FCHSD2: variants seen among roughly 807,000 people sequenced by gnomAD.
The protein encoded by FCHSD2 is F-BAR and double SH3 domains protein 2.
In FCHSD2, 38 loss-of-function variants were observed where a neutral mutation model predicts 108.1. The observed-to-expected ratio is 0.35, with a 90% confidence interval of 0.27 to 0.46. The LOEUF (loss-of-function observed/expected upper bound fraction) is 0.46. Among genes scored for constraint, FCHSD2 ranks in the 20% least tolerant of loss-of-function variants. FCHSD2 has a pLI of 1.00. For synonymous variants in FCHSD2, 279 were observed against 314.7 expected (o/e 0.89, Z 1.20); for missense variants, 751 against 897.8 (o/e 0.84, Z 2.09).
At chr11:73,086,331 C>G (rs1023314243) in intron 2 of FCHSD2, among the ~76,000 whole-genome samples, 1 of 152,160 alleles carries the variant, frequency 6.6e-6, no homozygotes, top group Admixed American at 6.5e-5. Flanking sequence ...ATTGCTTGAA[C>G]CCAGAGGTGG....
In FCHSD2 at chr11:72,840,959, T is replaced by C. The variant is rs1218167332; in HGVS notation, c.2057A>G (p.Glu686Gly). 1.9e-6 allele frequency: 3 copies of C among 1,611,528 alleles called. No homozygotes were observed. The highest frequency in any genetic ancestry group is 2.5e-6 in the Non-Finnish European group (3 of 1,177,826). Residue 686 changes from glutamate to glycine, a missense_variant and splice_region_variant, in exon 19 of 20, where the codon GAA becomes GGA. Transcript: ENST00000409418. ...TGGTGACTCAGCATGAAGGCTTTTT[T>C]CTAAGGGAGAAAACCAAAGAAGCTC... ...LYFPRSPSANEKSLHAESPGF... is the reference protein window; with the variant it reads ...LYFPRSPSANGKSLHAESPGF...
chr11:72,967,954 G>T (rs1412834390), intron 8 of FCHSD2, among the ~76,000 whole-genome samples: 3 of 151,956 alleles, frequency 2.0e-5, no homozygotes, highest in African/African-American at 7.3e-5. Context: ...AGCCGGGTAT[G>T]GTGGCGGGCA....
intron 3 of FCHSD2, among the ~76,000 whole-genome samples, chr11:73,039,035 CTTCT>C (rs1243949380): frequency 2.0e-5 from 3 of 152,166 alleles, no homozygotes; most frequent in African/African-American, 7.2e-5. Context: ...TATCTCCTTA[CTTCT>C]TTCTAATATT....
chr11:72,976,199 T>C (rs1857101774), intron 8 of FCHSD2, among the ~76,000 whole-genome samples: 1 of 152,238 alleles, frequency 6.6e-6, no homozygotes, highest in Admixed American at 6.5e-5. Flanking sequence ...ATTCAGTATC[T>C]GCTCTAGTAA....
chr11:72,926,741 CCA>C (rs1359125023), intron 8 of FCHSD2, among the ~76,000 whole-genome samples: 1 of 152,174 alleles, frequency 6.6e-6, no homozygotes, highest in Admixed American at 6.5e-5. Flanking sequence ...GGCACCATGG[CCA>C]CAGAGGTTTC....
At chr11:73,137,136 C>T (rs538342739) in intron 2 of FCHSD2, among the ~76,000 whole-genome samples, 2 of 151,994 alleles carry the variant, frequency 1.3e-5, no homozygotes, top group Non-Finnish European at 2.9e-5. Flanking sequence ...CTTCCTCAGG[C>T]AACTGAAGTT....
At chr11:73,123,142 G>A (rs1243943701) in intron 2 of FCHSD2, among the ~76,000 whole-genome samples, 3 of 152,080 alleles carry the variant, frequency 2.0e-5, no homozygotes, top group East Asian at 1.9e-4. Context: ...AAGCCAAACC[G>A]CCACTCTCTT....
At chr11:73,014,279 G>A (rs1253471207) in intron 4 of FCHSD2, among the ~76,000 whole-genome samples, 1 of 151,452 alleles carries the variant, frequency 6.6e-6, no homozygotes, top group East Asian at 1.9e-4. Flanking sequence ...CTACATGCAC[G>A]TACCACCACA....
In FCHSD2 at chr11:73,053,502, A is replaced by C. The variant is rs1484982875; in HGVS notation, c.165+30193T>G. On this transcript the variant is annotated intron_variant, in intron 3 of 19. Transcript: ENST00000409418. ...AATCTAAATGTCTTCAGTTCACAGC[A>C]ACATATTTTTAAATCTGGTTTCTCT... Among the ~76,000 whole-genome samples, 6 of 152,312 alleles carry C rather than the reference A, an allele frequency of 3.9e-5. No individual in the cohort carries two copies. In the East Asian group the frequency reaches 7.7e-4, roughly 20 times the overall value.
At chr11:72,843,767 C>T (rs182509033) in intron 14 of FCHSD2, 6 of 505,394 alleles carry the variant, frequency 1.2e-5, no homozygotes, top group African/African-American at 3.8e-5. Flanking sequence ...GAGGCAATGA[C>T]GTTCAATGAA....
chr11:72,969,192 C>G (rs1042674556), intron 8 of FCHSD2, among the ~76,000 whole-genome samples: 1 of 152,204 alleles, frequency 6.6e-6, no homozygotes, highest in African/African-American at 2.4e-5. Context: ...TCAGTGTTAA[C>G]AGTCTACCTA....
At chr11:73,035,640 T>C (rs1227430688) in intron 3 of FCHSD2, among the ~76,000 whole-genome samples, 2 of 152,124 alleles carry the variant, frequency 1.3e-5, no homozygotes, top group Non-Finnish European at 2.9e-5. Flanking sequence ...TACTGAGAAT[T>C]TTCTACAATA....
At chr11:73,028,178 T>C (rs1399603589) in intron 3 of FCHSD2, among the ~76,000 whole-genome samples, 1 of 152,046 alleles carries the variant, frequency 6.6e-6, no homozygotes, top group African/African-American at 2.4e-5. Flanking sequence ...ACCATGTACC[T>C]GGAAAAGCCG....
At chr11:72,944,701 G>C (rs2135347096) in intron 8 of FCHSD2, among the ~76,000 whole-genome samples, 1 of 152,274 alleles carries the variant, frequency 6.6e-6, no homozygotes, top group African/African-American at 2.4e-5. Context: ...CTTCAGCAAA[G>C]TCTCAGGATA....
intron 12 of FCHSD2, among the ~76,000 whole-genome samples, chr11:72,884,919 G>T (rs1273797613): frequency 6.6e-6 from 1 of 152,044 alleles, no homozygotes; most frequent in Non-Finnish European, 1.5e-5. Context: ...TAATAGCAGG[G>T]TCACTCTTGT....
intron 8 of FCHSD2, among the ~76,000 whole-genome samples, chr11:72,983,148 G>C (rs1304112251): frequency 6.6e-6 from 1 of 152,050 alleles, no homozygotes; most frequent in East Asian, 1.9e-4. Context: ...CAAAAAATTA[G>C]CTGGGCGTAG....
At chr11:72,960,111 GCA>G (rs928131900) in intron 8 of FCHSD2, among the ~76,000 whole-genome samples, 7 of 152,132 alleles carry the variant, frequency 4.6e-5, no homozygotes, top group Non-Finnish European at 1.0e-4. Context: ...TGTACAAAAA[GCA>G]CAGTGCCAGG....
intron 12 of FCHSD2, among the ~76,000 whole-genome samples, chr11:72,886,273 A>G (rs994305): frequency 0.99 from 150,964 of 152,310 alleles, 74,814 homozygotes; most frequent in East Asian, 1. Flanking sequence ...TCCCAATACT[A>G]AACTCACATC....
intron 12 of FCHSD2, among the ~76,000 whole-genome samples, chr11:72,886,166 A>C (rs191705546): frequency 6.6e-6 from 1 of 152,278 alleles, no homozygotes; most frequent in East Asian, 1.9e-4. Context: ...TCCCTGAAAG[A>C]TGCTTGCCCA....
Sources: allele counts gnomAD v4.1 joint callset (sites outside exome capture counted in the v4.1 genomes callset), GRCh38; gene constraint gnomAD v4.1.1; transcripts MANE v1.5; gene names NCBI Gene and HGNC (gene_info 2026-07-23, HGNC 2026-07-21).